The following NPTXR variants were observed in gnomAD, a reference collection of about 807,000 sequenced individuals.
NPTXR encodes the protein neuronal pentraxin receptor.
NPTXR carries 12 observed loss-of-function variants against 32.2 expected under a neutral mutation model. The observed-to-expected ratio is 0.37, with a 90% CI of 0.24 to 0.60. The LOEUF is 0.60. NPTXR is among the 20% of genes least tolerant of loss of function. The pLI, the probability that NPTXR is intolerant of heterozygous loss-of-function variation, is 0.66. For synonymous variants in NPTXR, 323 were observed against 315.8 expected, an observed-to-expected ratio of 1.02 and a Z score of -0.24; for missense variants, 612 against 682.9, an observed-to-expected ratio of 0.90 and a Z score of 1.16.
intron 1 of NPTXR, among the ~76,000 whole-genome samples, chr22:38,838,587 T>C (rs1158655949): frequency 7.0e-6 from 1 of 143,706 alleles, no homozygotes; most frequent in Non-Finnish European, 1.5e-5. Context: ...TTTTTTTTTT[T>C]TTTTTTTTTT....
rs1339228348 is a variant in NPTXR, at chr22:38,821,222, T to A, written c.*1387A>T. 2.0e-5 allele frequency: 3 copies of A among 152,374 alleles called. No individual in the cohort carries two copies. The highest frequency in any genetic ancestry group is 7.2e-5 in the African/African-American group (3 of 41,462). 9.4% of individuals were successfully genotyped at this position (152,374 alleles called of 1,614,324 possible). A position where few individuals can be genotyped will look rare whatever the true frequency, so the allele number is the denominator to read the frequency against. ...CAGCTCTTAAGATTCTGACACTCTC[T>A]TGGGGAAGCTGGTGATGACTCAAGG... On this transcript the variant is annotated 3_prime_UTR_variant, in exon 5 of 5. Transcript: ENST00000333039.
chr22:38,836,139 A>G (rs2093123632), intron 1 of NPTXR, among the ~76,000 whole-genome samples: 1 of 152,218 alleles, frequency 6.6e-6, no homozygotes, highest in South Asian at 2.1e-4. Flanking sequence ...TAAAATGACC[A>G]TACCGAGTTT....
intron 1 of NPTXR, among the ~76,000 whole-genome samples, chr22:38,833,655 A>G (rs1379301573): frequency 7.2e-6 from 1 of 138,056 alleles, no homozygotes; most frequent in Non-Finnish European, 1.6e-5. Flanking sequence ...GTGACTAACA[A>G]TTTTTTTTTT....
Position 38,822,320 on chromosome 22 carries a change from C to G in NPTXR, c.*289G>C. 2.2e-6 allele frequency: 1 copy of G among 448,706 alleles called. No individual in the cohort carries two copies. The highest frequency in any genetic ancestry group is 3.5e-5 in the Admixed American group (1 of 28,940). 27.8% of individuals were successfully genotyped at this position (448,706 alleles called of 1,614,324 possible). A position where few individuals can be genotyped will look rare whatever the true frequency, so the allele number is the denominator to read the frequency against. ...CTGTCAAAATTAGTGAAATCAGATA[C>G]AGTTGATGGGCAGGGAGGGTGGGGT... is the stretch of plus-strand genomic sequence containing the variant. On this transcript the variant is annotated 3_prime_UTR_variant, in exon 5 of 5. Coordinates refer to ENST00000333039, the MANE Select transcript of NPTXR (RefSeq NM_014293.4).
rs1307612695 is a variant in NPTXR at position 38,820,675 on chromosome 22, A to G, written c.*1934T>C. On this transcript the variant is annotated 3_prime_UTR_variant, in exon 5 of 5. Coordinates refer to ENST00000333039, the MANE Select transcript of NPTXR (RefSeq NM_014293.4). Reference sequence around the variant, plus strand: ...AAAGCATCTGACCTCGCGGATGTCTACCTGCTTAGGTGTAGACTGAACTCA... The same window carrying G: ...AAAGCATCTGACCTCGCGGATGTCTGCCTGCTTAGGTGTAGACTGAACTCA... 1 of 152,198 alleles carries G rather than the reference A, an allele frequency of 6.6e-6. No individual in the cohort carries two copies. The highest frequency in any genetic ancestry group is 1.9e-4 in the East Asian group (1 of 5,192). The allele number at this position is 152,198 out of a possible 1,614,324, so 9.4% of individuals were successfully genotyped here. A position where few individuals can be genotyped will look rare whatever the true frequency, so the allele number is the denominator to read the frequency against.
At chr22:38,822,969 C>G (rs1231396858) in intron 4 of NPTXR, 114 bp downstream of exon 4, 2 of 1,479,468 alleles carry the variant, frequency 1.4e-6, no homozygotes, top group African/African-American at 1.4e-5. Context: ...CGCCAACGCT[C>G]TAGCCCCACC....
intron 1 of NPTXR, among the ~76,000 whole-genome samples, chr22:38,832,786 GGTCTGT>G (rs1400365844): frequency 2.4e-4 from 37 of 152,188 alleles, no homozygotes; most frequent in Non-Finnish European, 1.9e-4. Flanking sequence ...TGATGGTCTG[GGTCTGT>G]TGGTTGATCT....
At chr22:38,842,508 C>G (rs2093133031) in intron 1 of NPTXR, among the ~76,000 whole-genome samples, 1 of 152,194 alleles carries the variant, frequency 6.6e-6, no homozygotes, top group Non-Finnish European at 1.5e-5. Flanking sequence ...TGCTGGACCC[C>G]TTGTGTCTGA....
At chr22:38,829,897 C>T (rs1568985132) in intron 1 of NPTXR, among the ~76,000 whole-genome samples, 1 of 152,232 alleles carries the variant, frequency 6.6e-6, no homozygotes, top group Non-Finnish European at 1.5e-5. Context: ...TCCAGCCTCA[C>T]TGGCCCAGCC....
In NPTXR at chr22:38,843,509, G is replaced by C. The variant is rs1279971347; in HGVS notation, c.350C>G (p.Pro117Arg). The stretch of plus-strand genomic sequence containing the variant: ...CAGCAGCAGCTCTTCGCGCTCGCCC[G>C]GCGCAGCGCCCGCCGCGTCCCCCTG... The change falls in exon 1 of 5, where the codon CCG (proline) becomes CGG (arginine). Residue 117 changes from proline to arginine, a missense_variant. Coordinates refer to ENST00000333039, the MANE Select transcript of NPTXR (RefSeq NM_014293.4). This position sits in a 1 kb window ranked among gnomAD's most constrained non-coding sequence, Gnocchi z 5.3. The C allele has an allele frequency of 3.1e-6, 4 of 1,275,784 alleles. No individual in the cohort carries two copies. The highest frequency in any genetic ancestry group is 6.5e-5 in the East Asian group (2 of 30,946). 79.0% of individuals were successfully genotyped at this position (1,275,784 alleles called of 1,614,324 possible).
At chr22:38,829,739 A>T (rs2093113320) in intron 1 of NPTXR, among the ~76,000 whole-genome samples, 1 of 152,250 alleles carries the variant, frequency 6.6e-6, no homozygotes, top group South Asian at 2.1e-4. Context: ...GCAAACATTC[A>T]GAGGGCACCC....
rs1241521372 is a variant in NPTXR at position 38,834,728 on chromosome 22, A to G, written c.625-6216T>C. Among the ~76,000 whole-genome samples the G allele has an allele frequency of 6.6e-6, 1 of 152,098 alleles. No homozygotes were observed. Among genetic ancestry groups the G allele is most frequent in the Non-Finnish European group, 1.5e-5 (1 of 68,010 alleles). On this transcript the variant is annotated intron_variant, in intron 1 of 4. Coordinates refer to ENST00000333039, the MANE Select transcript of NPTXR (RefSeq NM_014293.4). The surrounding 1 kb of genome is among the most constrained non-coding windows in gnomAD (Gnocchi z 4.4). Reference sequence around the variant, plus strand: ...TCATTTTCAGTTCCTTGCTTACTAGATCTGCGACCTTGGGCAAGCTGCTTA... The same window carrying G: ...TCATTTTCAGTTCCTTGCTTACTAGGTCTGCGACCTTGGGCAAGCTGCTTA...
At chr22:38,826,010 T>C (rs552706676) in intron 3 of NPTXR, among the ~76,000 whole-genome samples, 101 of 152,028 alleles carry the variant, frequency 6.6e-4, no homozygotes, top group African/African-American at 2.2e-3. Flanking sequence ...ACCCGGCTAA[T>C]TTTTTTGTAT....
At chr22:38,831,886 C>T (rs1344466812) in intron 1 of NPTXR, among the ~76,000 whole-genome samples, 2 of 152,130 alleles carry the variant, frequency 1.3e-5, no homozygotes, top group African/African-American at 4.8e-5. Context: ...CTTCGTATCC[C>T]CATTTCACAG....
At chr22:38,828,141 A>G (rs113674279) in intron 2 of NPTXR, 146 bp downstream of exon 2, 38 of 643,592 alleles carry the variant, frequency 5.9e-5, no homozygotes, top group Non-Finnish European at 8.5e-5. Flanking sequence ...ATATCCCCCA[A>G]TGATTCTCTC....
In NPTXR at chr22:38,834,297, C is replaced by T. The variant is rs2146196940; in HGVS notation, c.625-5785G>A. 6.6e-6 allele frequency among the ~76,000 whole-genome samples: 1 copy of T among 152,282 alleles called. No individual in the cohort carries two copies. The highest frequency in any genetic ancestry group is 1.9e-4 in the East Asian group (1 of 5,186). ...ATCCTTCCACAGCCCCGTCTCCCTG[C>T]CAATAAAGTCCCTGTCCTCCTGGCT... is the stretch of plus-strand genomic sequence containing the variant. On this transcript the variant is annotated intron_variant, in intron 1 of 4. Transcript: ENST00000333039. The surrounding 1 kb of genome is among the most constrained non-coding windows in gnomAD (Gnocchi z 4.4).
intron 2 of NPTXR, among the ~76,000 whole-genome samples, chr22:38,827,349 C>T (rs2093108987): frequency 6.6e-6 from 1 of 151,550 alleles, no homozygotes; most frequent in Non-Finnish European, 1.5e-5. Context: ...TTCTCCTGCC[C>T]CAGCCTCCCG....
At position 38,818,742 on chromosome 22, in the gene NPTXR, C is replaced by G; in HGVS notation, c.*3867G>C. On this transcript the variant is annotated 3_prime_UTR_variant, in exon 5 of 5. Coordinates refer to ENST00000333039, the MANE Select transcript of NPTXR (RefSeq NM_014293.4). The surrounding 1 kb of genome is among the most constrained non-coding windows in gnomAD (Gnocchi z 4.5). ...CCTTCCCCACCCAGGGGTCGGGGGT[C>G]AGGGTGGGAGGTGGGGGTCTGGGGT... The G allele has an allele frequency of 6.6e-6, 1 of 152,064 alleles. No homozygotes were observed. The highest frequency in any genetic ancestry group is 1.5e-5 in the Non-Finnish European group (1 of 68,086). The allele number at this position is 152,064 out of a possible 1,614,324, so 9.4% of individuals were successfully genotyped here.
At chr22:38,836,963 C>T (rs1482383660) in intron 1 of NPTXR, among the ~76,000 whole-genome samples, 14 of 152,052 alleles carry the variant, frequency 9.2e-5, no homozygotes, top group African/African-American at 3.4e-4. Flanking sequence ...TATAGGTGCC[C>T]GCCACCATGC....
Sources: allele counts gnomAD v4.1 joint callset (sites outside exome capture counted in the v4.1 genomes callset), GRCh38; gene constraint gnomAD v4.1.1; non-coding constraint Gnocchi (gnomAD v3.1); transcripts MANE v1.5; gene names NCBI Gene and HGNC (gene_info 2026-07-23, HGNC 2026-07-21).